Variants in ABHD5 observed in about 807,000 individuals in gnomAD.
The protein encoded by ABHD5 is 1-acylglycerol-3-phosphate O-acyltransferase ABHD5.
Under a neutral mutation model 44.9 loss-of-function variants are expected in ABHD5, and 30 were observed. The ratio of observed to expected loss-of-function variants is 0.67; its 90% confidence interval spans 0.50 to 0.91. The LOEUF (loss-of-function observed/expected upper bound fraction) is 0.91. Among genes scored for constraint, ABHD5 ranks in the 40% least tolerant of loss-of-function variants. ABHD5 has a pLI of 0.00. For missense variants in ABHD5, 399 were observed against 423.4 expected (o/e 0.94, Z 0.50); for synonymous variants, 167 against 147.0 (o/e 1.14, Z -0.99).
At chr3:43,707,018 T>TA (rs763561994) in intron 3 of ABHD5, among the ~76,000 whole-genome samples, 14 of 152,198 alleles carry the variant, frequency 9.2e-5, no homozygotes, top group Non-Finnish European at 1.6e-4. Flanking sequence ...TGCACTTGTT[T>TA]AAGAAGGATT....
chr3:43,698,928 T>C (rs2084505246), intron 1 of ABHD5, among the ~76,000 whole-genome samples: 1 of 152,252 alleles, frequency 6.6e-6, no homozygotes, highest in Non-Finnish European at 1.5e-5. Context: ...CTTTAACTTT[T>C]TTTGCACTTC....
intron 4 of ABHD5, among the ~76,000 whole-genome samples, chr3:43,714,537 A>G (rs1219532446): frequency 6.6e-6 from 1 of 152,206 alleles, no homozygotes; most frequent in Non-Finnish European, 1.5e-5. Flanking sequence ...TTTCACACAG[A>G]AATAATTATG....
downstream of ABHD5, among the ~76,000 whole-genome samples, chr3:43,727,522 A>G (rs1040981590): frequency 6.6e-6 from 1 of 152,256 alleles, no homozygotes; most frequent in African/African-American, 2.4e-5. Context: ...AGCAATCTAT[A>G]GATATTTCAC....
At chr3:43,729,426 C>A (rs1285480336) in intron 7 of ABHD5, among the ~76,000 whole-genome samples, 1 of 152,152 alleles carries the variant, frequency 6.6e-6, no homozygotes, top group African/African-American at 2.4e-5. Context: ...AGGGATAGGA[C>A]TGGGTAAATT....
chr3:43,714,362 T>C (rs2084732764), intron 4 of ABHD5, among the ~76,000 whole-genome samples: 1 of 152,104 alleles, frequency 6.6e-6, no homozygotes, highest in Non-Finnish European at 1.5e-5. Flanking sequence ...CTCGAACTCC[T>C]GACCTTGTGA....
At chr3:43,712,885 C>T (rs1410614459) in intron 4 of ABHD5, among the ~76,000 whole-genome samples, 1 of 152,254 alleles carries the variant, frequency 6.6e-6, no homozygotes, top group East Asian at 1.9e-4. Context: ...TGGAAGGCTC[C>T]ACCTGACCTC....
At chr3:43,701,934 A>C (rs2084546677) in intron 2 of ABHD5, 1 of 329,518 alleles carries the variant, frequency 3.0e-6, no homozygotes, top group African/African-American at 2.1e-5. Context: ...CTCATTTGAC[A>C]GATGTGGAAA....
intron 1 of ABHD5, chr3:43,691,278 C>T: frequency 2.7e-6 from 1 of 369,062 alleles, no homozygotes; most frequent in Non-Finnish European, 4.8e-6. Flanking sequence ...ACTCCGGCCG[C>T]GCCGGGAGGC....
At chr3:43,697,031 C>T (rs2084482128) in intron 1 of ABHD5, among the ~76,000 whole-genome samples, 1 of 152,178 alleles carries the variant, frequency 6.6e-6, no homozygotes, top group Non-Finnish European at 1.5e-5. Context: ...TGTTTTGCCC[C>T]TTCTCTGAGT....
chr3:43,698,427 C>T (rs976909014), intron 1 of ABHD5, among the ~76,000 whole-genome samples: 1 of 152,144 alleles, frequency 6.6e-6, no homozygotes, highest in Non-Finnish European at 1.5e-5. Context: ...TGCACCGAGC[C>T]CTTGCTAACT....
chr3:43,716,052 G>A (rs2084758603), intron 5 of ABHD5, among the ~76,000 whole-genome samples: 1 of 152,142 alleles, frequency 6.6e-6, no homozygotes, highest in African/African-American at 2.4e-5. Context: ...AGCAGAGGGA[G>A]CAAGAGGGCC....
chr3:43,700,576 A>ATTTTTT, intron 2 of ABHD5, among the ~76,000 whole-genome samples: 1 of 144,780 alleles, frequency 6.9e-6, no homozygotes. Flanking sequence ...TCTTTCATGA[A>ATTTTTT]TTTTTTTTTT....
intron 3 of ABHD5, among the ~76,000 whole-genome samples, chr3:43,708,955 A>G (rs1015410119): frequency 7.2e-5 from 11 of 152,248 alleles, no homozygotes; most frequent in African/African-American, 2.7e-4. Context: ...TTATTTTAAA[A>G]AAGACTAGAC....
intron 4 of ABHD5, among the ~76,000 whole-genome samples, chr3:43,714,557 T>C (rs190374669): frequency 7.6e-4 from 115 of 152,176 alleles, no homozygotes; most frequent in Middle Eastern, 3.4e-3. Context: ...GTATACCAGT[T>C]TACTTCATTT....
chr3:43,720,021 G>C lies in ABHD5; in HGVS notation c.*1489G>C, dbSNP rs1286966429. 6.6e-6 allele frequency: 1 copy of C among 152,134 alleles called. No individual in the cohort carries two copies. Among genetic ancestry groups the C allele is most frequent in the Non-Finnish European group, 1.5e-5 (1 of 68,012 alleles). 9.4% of individuals were successfully genotyped at this position (152,134 alleles called of 1,614,324 possible). The stretch of plus-strand genomic sequence containing the variant: ...TTTTCAACATTTCTCCCCTATAAAA[G>C]AATAGACAAATTATACTGAAGCATG... On this transcript the variant is annotated 3_prime_UTR_variant, in exon 7 of 7. Coordinates refer to ENST00000644371, the MANE Select transcript of ABHD5 (RefSeq NM_016006.6).
At chr3:43,713,341 AAGG>A (rs1327874668) in intron 4 of ABHD5, among the ~76,000 whole-genome samples, 265 of 151,202 alleles carry the variant, frequency 1.8e-3, no homozygotes, top group African/African-American at 6.2e-3. Flanking sequence ...AAAAAAAAAA[AAGG>A]AAAAGAAAAG....
chr3:43,717,566 A>T, intron 5 of ABHD5, 105 bp from the exon 6 acceptor site: 1 of 1,173,764 alleles, frequency 8.5e-7, no homozygotes, highest in Non-Finnish European at 1.3e-6. Flanking sequence ...GGTTTTTCTT[A>T]GGTGCTGGAA....
chr3:43,695,287 C>G (rs949790059), intron 1 of ABHD5: 6 of 152,112 alleles, frequency 3.9e-5, no homozygotes, highest in Admixed American at 3.9e-4. Flanking sequence ...GAGGAAGTAT[C>G]TCAGATAAAT....
At chr3:43,703,207 G>A (rs2084567527) in intron 3 of ABHD5, among the ~76,000 whole-genome samples, 1 of 147,202 alleles carries the variant, frequency 6.8e-6, no homozygotes, top group African/African-American at 2.5e-5. Flanking sequence ...AGAGATAGAA[G>A]CTCGCTCTGT....
Sources: allele counts gnomAD v4.1 joint callset (sites outside exome capture counted in the v4.1 genomes callset), GRCh38; gene constraint gnomAD v4.1.1; transcripts MANE v1.5; gene names NCBI Gene and HGNC (gene_info 2026-07-23, HGNC 2026-07-21).